CNIH3: variants seen among roughly 807,000 people sequenced by gnomAD.
CNIH3 encodes the protein cornichon family AMPA receptor auxiliary protein 3.
In CNIH3, 14 loss-of-function variants were observed where a neutral mutation model predicts 24.1. The ratio of observed to expected loss-of-function variants is 0.58; its 90% CI spans 0.38 to 0.91. CNIH3 has a LOEUF of 0.91. CNIH3 is among the 40% of genes least tolerant of loss of function. CNIH3 has a pLI of 0.00. For synonymous variants in CNIH3, 68 were observed against 73.8 expected, an observed-to-expected ratio of 0.92 and a Z score of 0.40; for missense variants, 178 against 196.8, an observed-to-expected ratio of 0.90 and a Z score of 0.57.
chr1:224,540,286 C>T (rs1250205391), downstream of CNIH3, among the ~76,000 whole-genome samples: 1 of 152,188 alleles, frequency 6.6e-6, no homozygotes, highest in Non-Finnish European at 1.5e-5. Context: ...AAAGTAGTTT[C>T]TTCTGTGTCA....
chr1:224,603,092 A>C (rs747036478), intron 3 of CNIH3, among the ~76,000 whole-genome samples: 1 of 152,182 alleles, frequency 6.6e-6, no homozygotes, highest in Non-Finnish European at 1.5e-5. Flanking sequence ...GGAAAGAGGG[A>C]GGGTGTAATC....
At chr1:224,613,847 C>T (rs924389518), upstream of CNIH3, among the ~76,000 whole-genome samples, 9 of 152,022 alleles carry the variant, frequency 5.9e-5, no homozygotes, top group African/African-American at 2.2e-4. Flanking sequence ...GCCAATTGAA[C>T]CTGTTTTCTT....
intron 2 of CNIH3, among the ~76,000 whole-genome samples, chr1:224,525,291 AG>A (rs1678801886): frequency 6.6e-6 from 1 of 152,238 alleles, no homozygotes; most frequent in South Asian, 2.1e-4. Flanking sequence ...ACTAAATGAA[AG>A]GAGAGTGGCT....
intron 3 of CNIH3, among the ~76,000 whole-genome samples, chr1:224,695,502 C>A (rs890224274): frequency 1.3e-5 from 2 of 152,070 alleles, no homozygotes; most frequent in Admixed American, 6.6e-5. Context: ...TGCTGTGAAC[C>A]GAACCTTCAC....
At chr1:224,572,958 C>G (rs534601102) in intron 4 of CNIH3, among the ~76,000 whole-genome samples, 1 of 152,070 alleles carries the variant, frequency 6.6e-6, no homozygotes, top group Non-Finnish European at 1.5e-5. Flanking sequence ...CCTAGAAACA[C>G]ATAATCTACC....
intron 1 of CNIH3, among the ~76,000 whole-genome samples, chr1:224,667,778 C>T (rs1685667103): frequency 6.7e-6 from 1 of 150,324 alleles, no homozygotes; most frequent in Admixed American, 6.6e-5. Flanking sequence ...CCCATGACTA[C>T]AATTCCACTC....
intron 5 of CNIH3, among the ~76,000 whole-genome samples, chr1:224,584,599 A>C (rs1351574172): frequency 6.6e-6 from 1 of 152,272 alleles, no homozygotes; most frequent in Non-Finnish European, 1.5e-5. Flanking sequence ...ATTTGCAGTC[A>C]TCAGGATGGC....
Position 224,485,493 on chromosome 1 carries a change from G to A in CNIH3, n.204-30248G>A, listed in dbSNP as rs140171050. On this transcript the variant is annotated intron_variant and non_coding_transcript_variant, in intron 1 of 5. Transcript: ENST00000471578. ...CTTCCCCTCACCTCACCCCACCACC[G>A]CCCCCCTTTATTTTTTAGAGACAGG... 2.7e-3 allele frequency among the ~76,000 whole-genome samples: 407 copies of A among 149,152 alleles called. 12 individuals are homozygous for A. Among genetic ancestry groups the A allele is most frequent in the Admixed American group, 0.022 (323 of 14,948 alleles).
chr1:224,567,215 G>A (rs1412829470), intron 4 of CNIH3, among the ~76,000 whole-genome samples: 1 of 152,112 alleles, frequency 6.6e-6, no homozygotes, highest in African/African-American at 2.4e-5. Flanking sequence ...TGATGGGTTT[G>A]TTTGTTTTTT....
intron 3 of CNIH3, among the ~76,000 whole-genome samples, chr1:224,691,397 G>T (rs912785975): frequency 6.6e-6 from 1 of 152,220 alleles, no homozygotes; most frequent in African/African-American, 2.4e-5. Flanking sequence ...CAGGTGACAG[G>T]ACTTGTCCAC....
intron 2 of CNIH3, among the ~76,000 whole-genome samples, chr1:224,522,360 A>G (rs1678669377): frequency 6.6e-6 from 1 of 152,238 alleles, no homozygotes; most frequent in Non-Finnish European, 1.5e-5. Context: ...CACTGGAAAC[A>G]GAATAGAAGA....
downstream of CNIH3, among the ~76,000 whole-genome samples, chr1:224,539,312 A>G (rs986698893): frequency 3.3e-5 from 5 of 152,192 alleles, no homozygotes; most frequent in African/African-American, 4.8e-5. Context: ...TTGACATCCA[A>G]ATCATCAATT....
At chr1:224,558,399 C>T (rs1680229874) in intron 3 of CNIH3, among the ~76,000 whole-genome samples, 1 of 152,062 alleles carries the variant, frequency 6.6e-6, no homozygotes, top group African/African-American at 2.4e-5. Context: ...CCCAGGCTTG[C>T]TCAGATTCAA....
intron 3 of CNIH3, among the ~76,000 whole-genome samples, chr1:224,710,037 T>C (rs1688052181): frequency 6.6e-6 from 1 of 152,234 alleles, no homozygotes; most frequent in African/African-American, 2.4e-5. Flanking sequence ...AACAACATAC[T>C]GTGATAAAAG....
At chr1:224,578,341 C>T (rs1018597948) in intron 4 of CNIH3, among the ~76,000 whole-genome samples, 2 of 152,170 alleles carry the variant, frequency 1.3e-5, no homozygotes, top group Admixed American at 1.3e-4. Context: ...AGTACTTAAA[C>T]ACATTAGGTA....
At chr1:224,708,664 G>A (rs1687959525) in intron 3 of CNIH3, among the ~76,000 whole-genome samples, 1 of 152,138 alleles carries the variant, frequency 6.6e-6, no homozygotes, top group African/African-American at 2.4e-5. Context: ...CCTCTCTGTA[G>A]TATGACATGA....
rs533917345 is a variant in CNIH3 at position 224,657,799 on chromosome 1, A to G, written c.82-23159A>G. Reference sequence around the variant, plus strand: ...AGTTTTTGACTGTAGCTGATTATAAACTGCTTTTTGAGAAGAATCAAAGTA... The same window carrying G: ...AGTTTTTGACTGTAGCTGATTATAAGCTGCTTTTTGAGAAGAATCAAAGTA... On this transcript the variant is annotated intron_variant, in intron 1 of 5. Transcript: ENST00000272133. Among the ~76,000 whole-genome samples, 405 of 152,290 alleles carry G rather than the reference A, an allele frequency of 2.7e-3. 1 individual carries two copies. The Middle Eastern group carries it at 0.027, about 10-fold the overall frequency.
intron 5 of CNIH3, among the ~76,000 whole-genome samples, chr1:224,586,933 G>A (rs1681535896): frequency 6.6e-6 from 1 of 152,180 alleles, no homozygotes; most frequent in East Asian, 1.9e-4. Context: ...TCTAAAGACT[G>A]GCAGGGGAGC....
In CNIH3 at chr1:224,684,690, TG is replaced by T; in HGVS notation, c.151-104del. 1.0e-6 allele frequency: 1 copy of T among 972,618 alleles called. No individual in the cohort carries two copies. The highest frequency in any genetic ancestry group is 1.7e-6 in the Non-Finnish European group (1 of 600,506). The allele number at this position is 972,618 out of a possible 1,614,324, so 60.2% of individuals were successfully genotyped here. The stretch of plus-strand genomic sequence containing the variant: ...TGGCCATGTGCCCAGGAGGGGTCTC[TG>T]GTGGCTTCTGCCTCCACTATTGGGG... On this transcript the variant is annotated intron_variant, in intron 2 of 5. Coordinates refer to ENST00000272133, the MANE Select transcript of CNIH3 (RefSeq NM_152495.2). The surrounding 1 kb of genome is among the most constrained non-coding windows in gnomAD (Gnocchi z 4.2).
Sources: gnomAD v4.1 joint callset for allele counts (sites outside exome capture counted in the v4.1 genomes callset) on GRCh38, gnomAD v4.1.1 for gene constraint, Gnocchi (gnomAD v3.1) non-coding constraint, MANE v1.5 for transcripts, NCBI Gene and HGNC (gene_info 2026-07-23, HGNC 2026-07-21) for gene names.